Variants in MIGA1 observed in about 807,000 individuals in gnomAD.
The protein encoded by MIGA1 is mitoguardin 1, also known as family with sequence similarity 73, member A.
Under a neutral mutation model 82.0 loss-of-function variants are expected in MIGA1, and 58 were observed. That is an observed-to-expected ratio of 0.71 (90% CI 0.57 to 0.88). The LOEUF (loss-of-function observed/expected upper bound fraction) is 0.88. MIGA1 is among the 40% of genes least tolerant of loss of function. The pLI, the probability that MIGA1 is intolerant of heterozygous loss-of-function variation, is 0.00. For synonymous variants in MIGA1, 249 were observed against 253.6 expected (o/e 0.98, Z 0.17); for missense variants, 751 against 749.1 (o/e 1.00, Z -0.03).
Position 77,801,386 on chromosome 1 carries a change from T to TA in MIGA1, c.252dup (p.Ser85IlefsTer10). 1 of 1,605,414 alleles carries TA rather than the reference T, an allele frequency of 6.2e-7. No individual in the cohort carries two copies. Among genetic ancestry groups the TA allele is most frequent in the Non-Finnish European group, 8.5e-7 (1 of 1,178,424 alleles). ...TTTGTGGTAACTGCAGTGAGTGCTA[T>TA]ATCTGTAATTTTTCTGGCTCATCAC... On this transcript the variant is annotated frameshift_variant, in exon 3 of 16. Transcript: ENST00000370791. LOFTEE classifies it high-confidence loss of function.
At chr1:77,821,553 G>A (rs1334672939) in intron 7 of MIGA1, among the ~76,000 whole-genome samples, 1 of 151,894 alleles carries the variant, frequency 6.6e-6, no homozygotes, top group Non-Finnish European at 1.5e-5. Context: ...GCACCACCAT[G>A]CCTGGCTAAT....
intron 11 of MIGA1, 48 bp downstream of exon 11, chr1:77,860,174 T>G: frequency 2.1e-6 from 3 of 1,414,934 alleles, no homozygotes; most frequent in Non-Finnish European, 2.9e-6. Flanking sequence ...AAAAGTTGTT[T>G]TTACCCTTTG....
chr1:77,807,224 C>T (rs1009571074), intron 5 of MIGA1, 123 bp downstream of exon 5: 19 of 615,856 alleles, frequency 3.1e-5, no homozygotes, highest in African/African-American at 1.3e-4. Flanking sequence ...TACGGTGGCG[C>T]GATTACTGCT....
intron 8 of MIGA1, among the ~76,000 whole-genome samples, chr1:77,844,112 AAAT>A (rs1280441385): frequency 4.4e-4 from 22 of 49,994 alleles, no homozygotes; most frequent in Admixed American, 1.6e-3. Context: ...AAAAAAAAAA[AAAT>A]ATATATATAT....
rs138751461 is a variant in MIGA1, at chr1:77,821,908, T to C, written c.895+6677T>C. ...GTCACAAATAATTATTAAGATACTT[T>C]GTAAGCTTCAGTTATTCAAGATGAA... On this transcript the variant is annotated intron_variant, in intron 7 of 15. Coordinates refer to ENST00000370791, the MANE Select transcript of MIGA1 (RefSeq NM_198549.4). Among the ~76,000 whole-genome samples, 137 of 152,324 alleles carry C rather than the reference T, an allele frequency of 9.0e-4. 2 individuals carry two copies. Among genetic ancestry groups the C allele is most frequent in the African/African-American group, 2.9e-3 (119 of 41,562 alleles).
intron 8 of MIGA1, among the ~76,000 whole-genome samples, chr1:77,854,515 C>A (rs1169338644): frequency 6.6e-6 from 1 of 152,190 alleles, no homozygotes; most frequent in Admixed American, 6.5e-5. Context: ...TACATTCCCA[C>A]CAGCAGTGTA....
intron 2 of MIGA1, among the ~76,000 whole-genome samples, chr1:77,790,177 T>C (rs1475710720): frequency 1.3e-5 from 2 of 152,220 alleles, no homozygotes; most frequent in Non-Finnish European, 2.9e-5. Flanking sequence ...GCCAAGCCAT[T>C]TTATCATATG....
At chr1:77,869,671 G>A (rs1442185269) in intron 14 of MIGA1, among the ~76,000 whole-genome samples, 30 of 127,966 alleles carry the variant, frequency 2.3e-4, no homozygotes, top group South Asian at 1.1e-3. Context: ...CTCACCTCCC[G>A]GACGGGGCGG....
Position 77,813,926 on chromosome 1 carries a change from G to GT in MIGA1, c.771+66dup, listed in dbSNP as rs1268611672. On this transcript the variant is annotated intron_variant, in intron 6 of 15. Transcript: ENST00000370791. ...ATTAGAAGAATCAAACTTTTTTTTT[G>GT]TTTTTTTGGTAGAGGTAGGGTCTCA... The GT allele has an allele frequency of 4.7e-5, 74 of 1,580,474 alleles. No homozygotes were observed. In the South Asian group the frequency reaches 6.6e-4, roughly 14 times the overall value.
chr1:77,840,529 G>A (rs1225667519), intron 7 of MIGA1, among the ~76,000 whole-genome samples: 1 of 152,120 alleles, frequency 6.6e-6, no homozygotes, highest in African/African-American at 2.4e-5. Context: ...TCTCGGCCGG[G>A]TGCAGTGGCT....
intron 7 of MIGA1, among the ~76,000 whole-genome samples, chr1:77,838,348 A>AT (rs534113293): frequency 2.7e-5 from 4 of 149,260 alleles, no homozygotes; most frequent in Non-Finnish European, 4.5e-5. Context: ...TTATTTATTT[A>AT]TTATTTATTT....
intron 2 of MIGA1, among the ~76,000 whole-genome samples, chr1:77,796,831 C>T (rs1682675963): frequency 6.6e-6 from 1 of 152,066 alleles, no homozygotes; most frequent in Non-Finnish European, 1.5e-5. Context: ...TGACATGGAG[C>T]ACAATTTGTT....
In MIGA1 at chr1:77,877,343, A is replaced by T. The variant is rs1646901878; in HGVS notation, c.*2279A>T. 1.3e-5 allele frequency: 2 copies of T among 152,224 alleles called. No individual in the cohort carries two copies. The allele number at this position is 152,224 out of a possible 1,614,324, so 9.4% of individuals were successfully genotyped here. A position where few individuals can be genotyped will look rare whatever the true frequency, so the allele number is the denominator to read the frequency against. ...TGTACTTTATAGGTTATATAGCATGAAACATACAAATTATCACTGTTCTTT... is the reference window on the plus strand; with the variant it reads ...TGTACTTTATAGGTTATATAGCATGTAACATACAAATTATCACTGTTCTTT... On this transcript the variant is annotated 3_prime_UTR_variant, in exon 16 of 16. Coordinates refer to ENST00000370791, the MANE Select transcript of MIGA1 (RefSeq NM_198549.4).
At chr1:77,805,536 C>CT (rs1377829114) in intron 4 of MIGA1, among the ~76,000 whole-genome samples, 108 of 43,274 alleles carry the variant, frequency 2.5e-3, no homozygotes, top group Middle Eastern at 0.013. Flanking sequence ...TTTTTCTTTT[C>CT]TTTTTTTTTT....
chr1:77,849,136 G>T (rs1422570650), intron 8 of MIGA1, among the ~76,000 whole-genome samples: 3 of 152,098 alleles, frequency 2.0e-5, no homozygotes, highest in African/African-American at 7.2e-5. Context: ...GTGGTAGCTC[G>T]TGCCTGTAAT....
In MIGA1 at chr1:77,878,406, A is replaced by G. The variant is rs1310003872; in HGVS notation, c.*3342A>G. On this transcript the variant is annotated 3_prime_UTR_variant, in exon 16 of 16. Coordinates refer to ENST00000370791, the MANE Select transcript of MIGA1 (RefSeq NM_198549.4). ...TAAAACTCTGTCTCAAAAAAAAAAA[A>G]AAAAAAAAAAAAAAAGACATATGTA... The G allele has an allele frequency of 6.6e-6, 1 of 150,382 alleles. No homozygotes were observed. Among genetic ancestry groups the G allele is most frequent in the African/African-American group, 2.4e-5 (1 of 40,978 alleles). The allele number at this position is 150,382 out of a possible 1,614,324, so 9.3% of individuals were successfully genotyped here.
intron 8 of MIGA1, among the ~76,000 whole-genome samples, chr1:77,853,102 G>T (rs894744025): frequency 2.0e-5 from 3 of 152,158 alleles, no homozygotes; most frequent in Non-Finnish European, 4.4e-5. Context: ...AAAGCCTTGA[G>T]AGTTACTTCT....
intron 7 of MIGA1, among the ~76,000 whole-genome samples, chr1:77,826,931 A>G (rs964242964): frequency 6.7e-6 from 1 of 149,576 alleles, no homozygotes; most frequent in Non-Finnish European, 1.5e-5. Flanking sequence ...CAGCCTCCCG[A>G]GTAACTGGGA....
intron 8 of MIGA1, among the ~76,000 whole-genome samples, chr1:77,855,323 C>T (rs916197187): frequency 6.6e-6 from 1 of 152,014 alleles, no homozygotes; most frequent in African/African-American, 2.4e-5. Context: ...GAAATCAGGT[C>T]GTGTGATGCC....
Sources: allele counts gnomAD v4.1 joint callset (sites outside exome capture counted in the v4.1 genomes callset), GRCh38; gene constraint gnomAD v4.1.1; transcripts MANE v1.5; gene names NCBI Gene and HGNC (gene_info 2026-07-23, HGNC 2026-07-21).